Variants in TMTC3 observed in about 807,000 individuals in gnomAD.
The protein encoded by TMTC3 is transmembrane O-mannosyltransferase targeting cadherins 3.
A neutral mutation model predicts 92.2 loss-of-function variants in TMTC3; 52 were observed. That is an observed-to-expected ratio of 0.56 (90% CI 0.45 to 0.71). TMTC3 has a LOEUF of 0.71. TMTC3 is among the 30% of genes least tolerant of loss of function. The pLI is 0.00. For synonymous variants in TMTC3, 339 were observed against 363.3 expected, an observed-to-expected ratio of 0.93 and a Z score of 0.76; for missense variants, 896 against 1,057.1, an observed-to-expected ratio of 0.85 and a Z score of 2.11.
intron 8 of TMTC3, chr12:88,173,172 A>G: frequency 9.5e-7 from 1 of 1,052,274 alleles, no homozygotes; most frequent in East Asian, 6.0e-5. Context: ...TCTTCATTAT[A>G]ATCTTTGTAT....
intron 1 of TMTC3, among the ~76,000 whole-genome samples, chr12:88,146,644 T>G (rs77194766): frequency 0.019 from 2,817 of 149,852 alleles, 75 homozygotes; most frequent in African/African-American, 0.065. Flanking sequence ...TGTATATATA[T>G]GTAAAATAAA....
At chr12:88,181,430 A>G (rs2041317027) in intron 10 of TMTC3, among the ~76,000 whole-genome samples, 1 of 152,082 alleles carries the variant, frequency 6.6e-6, no homozygotes, top group African/African-American at 2.4e-5. Context: ...GTCTTTGGGT[A>G]GGTTGAAATT....
At chr12:88,153,874 A>T (rs1314158837) in intron 3 of TMTC3, among the ~76,000 whole-genome samples, 1 of 152,026 alleles carries the variant, frequency 6.6e-6, no homozygotes, top group East Asian at 1.9e-4. Flanking sequence ...CAGATTTATT[A>T]TGAGATGTAA....
At chr12:88,177,095 G>A (rs555682929) in intron 10 of TMTC3, among the ~76,000 whole-genome samples, 3 of 152,216 alleles carry the variant, frequency 2.0e-5, no homozygotes, top group South Asian at 4.1e-4. Context: ...GGAGGCCAAG[G>A]TGGGCAGATC....
chr12:88,178,264 C>G (rs967571583), intron 10 of TMTC3, among the ~76,000 whole-genome samples: 5 of 152,054 alleles, frequency 3.3e-5, no homozygotes, highest in African/African-American at 1.2e-4. Flanking sequence ...GATGGTCTAG[C>G]CTTTCAGTTT....
intron 10 of TMTC3, among the ~76,000 whole-genome samples, chr12:88,187,654 A>G (rs1195424773): frequency 6.6e-6 from 1 of 152,208 alleles, no homozygotes; most frequent in African/African-American, 2.4e-5. Context: ...AGTGCACACA[A>G]TTGCCAGCCT....
chr12:88,172,583 T>C lies in TMTC3; in HGVS notation c.1051-14T>C, dbSNP rs780360691. The C allele has an allele frequency of 9.1e-5, 114 of 1,249,496 alleles. No homozygotes were observed. Among genetic ancestry groups the C allele is most frequent in the Middle Eastern group, 2.3e-4 (1 of 4,306 alleles). The allele number at this position is 1,249,496 out of a possible 1,614,324, so 77.4% of individuals were successfully genotyped here. Reference sequence around the variant, plus strand: ...TTTATTATAAATTATTAAATCTTCTTTTTTTTTTTGTAGGCGCTTTGTTTA... The same window carrying C: ...TTTATTATAAATTATTAAATCTTCTCTTTTTTTTTGTAGGCGCTTTGTTTA... On this transcript the variant is annotated splice_polypyrimidine_tract_variant and intron_variant, in intron 7 of 13. Coordinates refer to ENST00000266712, the MANE Select transcript of TMTC3 (RefSeq NM_181783.4).
At chr12:88,163,845 T>C (rs1049932791) in intron 6 of TMTC3, among the ~76,000 whole-genome samples, 9 of 152,280 alleles carry the variant, frequency 5.9e-5, no homozygotes, top group South Asian at 2.1e-4. Flanking sequence ...TTTAGAAATA[T>C]GATTCAACCC....
intron 8 of TMTC3, chr12:88,173,196 A>G (rs901441010): frequency 2.4e-6 from 2 of 821,814 alleles, no homozygotes; most frequent in African/African-American, 3.6e-5. Context: ...AGTTGCCTCA[A>G]ACTAACAGTT....
At chr12:88,148,803 G>A (rs558477148) in intron 2 of TMTC3, among the ~76,000 whole-genome samples, 32 of 151,572 alleles carry the variant, frequency 2.1e-4, no homozygotes, top group Non-Finnish European at 4.1e-4. Context: ...GGTATATTGC[G>A]TTATGCTGAT....
rs2041458554 is a variant in TMTC3 at position 88,192,759 on chromosome 12, A to G, written c.1862A>G (p.Asn621Ser). 3 of 1,613,460 alleles carry G rather than the reference A, an allele frequency of 1.9e-6. No individual in the cohort carries two copies. Among genetic ancestry groups the G allele is most frequent in the Non-Finnish European group, 1.7e-6 (2 of 1,179,668 alleles). The change falls in exon 13 of 14, where the codon AAT becomes AGT. Residue 621 changes from asparagine to serine, a missense_variant. Asn to Ser is a conservative substitution (Grantham distance 46). Coordinates refer to ENST00000266712, the MANE Select transcript of TMTC3 (RefSeq NM_181783.4). ...CCAAATGAAGCCCTAAAAAACTTTA[A>G]TCGTGCTCTGGAACTAAATCCAAAG... ...KEPNEALKNF[N>S]RALELNPKHK...
intron 6 of TMTC3, among the ~76,000 whole-genome samples, chr12:88,161,165 G>A (rs936130191): frequency 6.6e-6 from 1 of 152,056 alleles, no homozygotes; most frequent in Admixed American, 6.5e-5. Flanking sequence ...ACTGAGAGAT[G>A]TTGAAATCTC....
intron 6 of TMTC3, among the ~76,000 whole-genome samples, chr12:88,165,124 A>G (rs2041129595): frequency 6.6e-6 from 1 of 152,134 alleles, no homozygotes; most frequent in South Asian, 2.1e-4. Context: ...GTTAGTAGGT[A>G]TGAATATGGT....
At chr12:88,178,185 AC>A (rs769768433) in intron 10 of TMTC3, among the ~76,000 whole-genome samples, 18 of 152,212 alleles carry the variant, frequency 1.2e-4, no homozygotes, top group Non-Finnish European at 2.5e-4. Flanking sequence ...GCTAAAGGTA[AC>A]CATGTCTCCA....
At chr12:88,187,330 A>G (rs74603513) in intron 10 of TMTC3, among the ~76,000 whole-genome samples, 1 of 152,220 alleles carries the variant, frequency 6.6e-6, no homozygotes, top group East Asian at 1.9e-4. Flanking sequence ...ATTGGATAAT[A>G]CAATGATTTT....
intron 9 of TMTC3, 32 bp downstream of exon 9, chr12:88,174,759 T>G: frequency 6.2e-7 from 1 of 1,608,574 alleles, no homozygotes. Flanking sequence ...CAGGAAAGTA[T>G]GTCATCAGTG....
chr12:88,154,552 G>A (rs2040982924), intron 4 of TMTC3, among the ~76,000 whole-genome samples, 165 bp downstream of exon 4: 1 of 152,008 alleles, frequency 6.6e-6, no homozygotes, highest in East Asian at 1.9e-4. Flanking sequence ...ATGTAACATT[G>A]CTAGTATTTA....
At position 88,192,602 on chromosome 12, in the gene TMTC3, A is replaced by G. The variant is rs1555234702; in HGVS notation, c.1707-2A>G. The G allele has an allele frequency of 6.3e-7, 1 of 1,593,090 alleles. No individual in the cohort carries two copies. Among genetic ancestry groups the G allele is most frequent in the South Asian group, 1.1e-5 (1 of 89,604 alleles). On this transcript the variant is annotated splice_acceptor_variant, in intron 12 of 13. Transcript: ENST00000266712. LOFTEE classifies it high-confidence loss of function. ...TAAAGCTTGTGTTTGATTTTTCCAC[A>G]GAGGAGAATTGCTTTTAAAAATGAA... is the stretch of plus-strand genomic sequence containing the variant.
intron 10 of TMTC3, among the ~76,000 whole-genome samples, chr12:88,185,426 G>A (rs1274033897): frequency 3.3e-5 from 5 of 150,712 alleles, no homozygotes; most frequent in African/African-American, 1.2e-4. Flanking sequence ...CCCATACCTT[G>A]GTATGGCTGA....
Sources: allele counts gnomAD v4.1 joint callset (sites outside exome capture counted in the v4.1 genomes callset), GRCh38; gene constraint gnomAD v4.1.1; transcripts MANE v1.5; gene names NCBI Gene and HGNC (gene_info 2026-07-23, HGNC 2026-07-21).